Variants in CUL3 observed in about 807,000 individuals in gnomAD.
CUL3 encodes cullin-3.
In CUL3, 19 loss-of-function variants were observed where a neutral mutation model predicts 89.1. The ratio of observed to expected loss-of-function variants is 0.21; its 90% CI spans 0.15 to 0.31. CUL3 has a LOEUF of 0.31. Ranked by LOEUF, CUL3 falls within the 10% of genes least tolerant of loss-of-function variation. The probability of loss-of-function intolerance (pLI) is 1.00; values close to 1 mark genes in which losing one functional copy is unlikely to be tolerated. For missense variants in CUL3, 469 were observed against 942.3 expected (o/e 0.50, Z 6.58); for synonymous variants, 351 against 308.4 (o/e 1.14, Z -1.45).
Position 224,569,225 on chromosome 2 carries a change from C to T in CUL3, c.67-11369G>A, listed in dbSNP as rs141060898. ...ACACTAAGGGATCTAGCAACTAATG[C>T]GTCAGCAAAACAATAAAATAAACTG... On this transcript the variant is annotated intron_variant, in intron 1 of 15. Coordinates refer to ENST00000264414, the MANE Select transcript of CUL3 (RefSeq NM_003590.5). Among the ~76,000 whole-genome samples, 482 of 152,198 alleles carry T rather than the reference C, an allele frequency of 3.2e-3. 3 individuals are homozygous for T. Among genetic ancestry groups the T allele is most frequent in the Non-Finnish European group, 5.6e-3 (378 of 67,990 alleles).
chr2:224,549,027 C>A (rs560685001), intron 2 of CUL3, among the ~76,000 whole-genome samples: 13 of 150,678 alleles, frequency 8.6e-5, no homozygotes, highest in Admixed American at 4.6e-4. Flanking sequence ...ACAACAACAA[C>A]AAAAAAGCTG....
At chr2:224,561,233 G>T (rs980401007) in intron 1 of CUL3, among the ~76,000 whole-genome samples, 1 of 152,110 alleles carries the variant, frequency 6.6e-6, no homozygotes, top group Non-Finnish European at 1.5e-5. Context: ...ACATAACAAG[G>T]ATTCATACTT....
In CUL3 at chr2:224,470,373, A is replaced by C. The variant is rs893757131; in HGVS notation, c.*3872T>G. The C allele has an allele frequency of 3.5e-5, 8 of 229,368 alleles. No individual in the cohort carries two copies. The highest frequency in any genetic ancestry group is 1.8e-4 in the African/African-American group (8 of 45,126). 14.2% of individuals were successfully genotyped at this position (229,368 alleles called of 1,614,324 possible). On this transcript the variant is annotated 3_prime_UTR_variant, in exon 16 of 16. Coordinates refer to ENST00000264414, the MANE Select transcript of CUL3 (RefSeq NM_003590.5). ...CCTAAAACTGAGCATCAAATTACTT[A>C]AATGACACGCTTACAAATTTGCCAT...
chr2:224,577,907 G>C (rs967806171), intron 1 of CUL3, among the ~76,000 whole-genome samples: 1 of 152,160 alleles, frequency 6.6e-6, no homozygotes, highest in Non-Finnish European at 1.5e-5. Flanking sequence ...TCACTTTAGA[G>C]CCAGATTGCT....
rs1328461150 is a variant in CUL3, at chr2:224,585,022, C to T, written c.-13G>A. On this transcript the variant is annotated 5_prime_UTR_variant, in exon 1 of 16. Coordinates refer to ENST00000264414, the MANE Select transcript of CUL3 (RefSeq NM_003590.5). ...TCAGATTCGACATGGTGCTCGTCCC[C>T]TCCCCGGCGGCGGCTTCAGGTCGCG... 4.0e-6 allele frequency: 6 copies of T among 1,493,822 alleles called. No homozygotes were observed. 92.5% of individuals were successfully genotyped at this position (1,493,822 alleles called of 1,614,324 possible).
At chr2:224,499,631 A>C (rs1443380046) in intron 11 of CUL3, 3 of 212,712 alleles carry the variant, frequency 1.4e-5, no homozygotes, top group Non-Finnish European at 3.0e-5. Context: ...TGAAGAAATA[A>C]AGAAGCCACT....
intron 13 of CUL3, among the ~76,000 whole-genome samples, chr2:224,482,910 A>G (rs1691585101): frequency 6.6e-6 from 1 of 152,164 alleles, no homozygotes. Context: ...CTCTTTCTCA[A>G]AAGCAGCTTA....
At chr2:224,543,936 G>A (rs980760437) in intron 2 of CUL3, among the ~76,000 whole-genome samples, 9 of 151,934 alleles carry the variant, frequency 5.9e-5, no homozygotes, top group Non-Finnish European at 1.3e-4. Context: ...AGTGAGCCGA[G>A]ATCATGCCAC....
intron 2 of CUL3, among the ~76,000 whole-genome samples, chr2:224,538,951 G>A (rs986134731): frequency 5.3e-5 from 8 of 152,104 alleles, no homozygotes; most frequent in African/African-American, 1.9e-4. Context: ...AGGATTGTTT[G>A]ATCCCAGGAG....
At chr2:224,505,018 G>C (rs1692539362) in intron 8 of CUL3, among the ~76,000 whole-genome samples, 1 of 152,022 alleles carries the variant, frequency 6.6e-6, no homozygotes, top group Admixed American at 6.5e-5. Context: ...ATAACCTTCA[G>C]AACCAGATGA....
At position 224,471,003 on chromosome 2, in the gene CUL3, T is replaced by C. The variant is rs1691112665; in HGVS notation, c.*3242A>G. ...ACAGTTATGTCACATAAAGCCAATATGACAACTAAATGAATGAATATACAT... is the reference window on the plus strand; with the variant it reads ...ACAGTTATGTCACATAAAGCCAATACGACAACTAAATGAATGAATATACAT... On this transcript the variant is annotated 3_prime_UTR_variant, in exon 16 of 16. Transcript: ENST00000264414. 1 of 228,276 alleles carries C rather than the reference T, an allele frequency of 4.4e-6. No homozygotes were observed. The highest frequency in any genetic ancestry group is 8.7e-6 in the Non-Finnish European group (1 of 115,068). The allele number at this position is 228,276 out of a possible 1,614,324, so 14.1% of individuals were successfully genotyped here. A position where few individuals can be genotyped will look rare whatever the true frequency, so the allele number is the denominator to read the frequency against.
intron 2 of CUL3, among the ~76,000 whole-genome samples, chr2:224,536,863 T>G (rs961776613): frequency 6.6e-6 from 1 of 152,234 alleles, no homozygotes; most frequent in African/African-American, 2.4e-5. Flanking sequence ...TCTTGTTTTA[T>G]CACAAAGTCG....
chr2:224,544,217 T>C (rs1321042643), intron 2 of CUL3, among the ~76,000 whole-genome samples: 1 of 152,178 alleles, frequency 6.6e-6, no homozygotes, highest in African/African-American at 2.4e-5. Flanking sequence ...AAAGACTTCA[T>C]TTCCCCTTAT....
chr2:224,560,695 ACTGGTCT>A (rs1478331340), intron 1 of CUL3: 1 of 152,214 alleles, frequency 6.6e-6, no homozygotes, highest in Admixed American at 6.6e-5. Context: ...ACCACCTCCA[ACTGGTCT>A]CCATCTCCAC....
chr2:224,507,058 A>C (rs1692628833), intron 6 of CUL3, 55 bp from the exon 7 acceptor site: 2 of 1,544,278 alleles, frequency 1.3e-6, no homozygotes, highest in East Asian at 2.3e-5. Context: ...AAAAAACACG[A>C]ATCTCTGTTC....
At chr2:224,523,026 A>G (rs1323596421) in intron 3 of CUL3, among the ~76,000 whole-genome samples, 2 of 152,214 alleles carry the variant, frequency 1.3e-5, no homozygotes, top group Non-Finnish European at 2.9e-5. Flanking sequence ...AAATTTAATA[A>G]TCTAGAGGTC....
chr2:224,498,356 T>C (rs1692247524), intron 11 of CUL3, among the ~76,000 whole-genome samples: 1 of 152,210 alleles, frequency 6.6e-6, no homozygotes, highest in Non-Finnish European at 1.5e-5. Flanking sequence ...ACTGGTAGTT[T>C]TTCTTGAATT....
intron 1 of CUL3, among the ~76,000 whole-genome samples, chr2:224,583,835 G>A (rs1009275928): frequency 6.6e-6 from 1 of 152,162 alleles, no homozygotes; most frequent in Non-Finnish European, 1.5e-5. Flanking sequence ...TTCAGGAAAA[G>A]CATGCTTTAA....
intron 1 of CUL3, among the ~76,000 whole-genome samples, chr2:224,580,598 C>A (rs185994026): frequency 1.3e-5 from 2 of 152,010 alleles, no homozygotes; most frequent in African/African-American, 2.4e-5. Context: ...ACACAAGAAT[C>A]GGTTGAACCC....
Sources: allele counts gnomAD v4.1 joint callset (sites outside exome capture counted in the v4.1 genomes callset), GRCh38; gene constraint gnomAD v4.1.1; transcripts MANE v1.5; gene names NCBI Gene and HGNC (gene_info 2026-07-23, HGNC 2026-07-21).